Variants in DACH2 observed in about 807,000 individuals in gnomAD.
DACH2 encodes the protein dachshund homolog 2.
Under a neutral mutation model 35.8 loss-of-function variants are expected in DACH2, and 17 were observed. The ratio of observed to expected loss-of-function variants is 0.48; its 90% CI spans 0.33 to 0.71. DACH2 has a LOEUF of 0.71. Among genes scored for constraint, DACH2 ranks in the 30% least tolerant of loss-of-function variants. The pLI, the probability that DACH2 is intolerant of heterozygous loss-of-function variation, is 0.02. For missense variants in DACH2, 469 were observed against 472.7 expected (o/e 0.99, Z 0.07); for synonymous variants, 195 against 177.3 (o/e 1.10, Z -0.79).
At chrX:86,270,539 T>G (rs1205913273) in intron 1 of DACH2, among the ~76,000 whole-genome samples, 2 of 111,438 alleles carry the variant, frequency 1.8e-5, no homozygotes, top group African/African-American at 6.5e-5. Context: ...AAAGATATGG[T>G]TAGATAGAGG....
intron 2 of DACH2, among the ~76,000 whole-genome samples, chrX:86,490,818 C>T (rs1049737193): frequency 9.0e-6 from 1 of 111,073 alleles, no homozygotes; most frequent in Non-Finnish European, 1.9e-5. Context: ...CTCAATTTTC[C>T]ATTTAATATA....
chrX:86,722,233 T>C (rs1233594896), intron 6 of DACH2, among the ~76,000 whole-genome samples: 1 of 112,309 alleles, frequency 8.9e-6, no homozygotes, highest in Non-Finnish European at 1.9e-5. Context: ...TTCATTGAGC[T>C]CTTTTATCAT....
At chrX:86,247,616 CAAT>C (rs1424661423) in intron 1 of DACH2, among the ~76,000 whole-genome samples, 2 of 110,854 alleles carry the variant, frequency 1.8e-5, no homozygotes, top group Non-Finnish European at 3.8e-5. Flanking sequence ...AAAATTGAAT[CAAT>C]AATCTATGTT....
At chrX:86,285,028 TTC>T (rs1234388234) in intron 1 of DACH2, among the ~76,000 whole-genome samples, 8 of 111,972 alleles carry the variant, frequency 7.1e-5, no homozygotes, top group Non-Finnish European at 1.5e-4. Flanking sequence ...TATTTGGATC[TTC>T]TCTCATTTAT....
At chrX:86,413,119 A>G (rs748116459) in intron 2 of DACH2, among the ~76,000 whole-genome samples, 34 of 111,518 alleles carry the variant, frequency 3.0e-4, no homozygotes, top group African/African-American at 1.0e-3. Flanking sequence ...TTTTAGTCAG[A>G]TTTATTTCCC....
intron 4 of DACH2, among the ~76,000 whole-genome samples, chrX:86,681,422 T>C (rs897784377): frequency 9.2e-6 from 1 of 108,812 alleles, no homozygotes; most frequent in Non-Finnish European, 1.9e-5. Context: ...CTACAGAAAA[T>C]AGAAAAAATT....
intron 1 of DACH2, among the ~76,000 whole-genome samples, chrX:86,153,628 T>A (rs1168842941): frequency 8.9e-6 from 1 of 111,778 alleles, no homozygotes; most frequent in Admixed American, 9.5e-5. Flanking sequence ...ATCTGTGTAG[T>A]AAATGCACAT....
intron 4 of DACH2, among the ~76,000 whole-genome samples, chrX:86,692,047 A>G (rs1299165893): frequency 1.1e-4 from 12 of 111,493 alleles, no homozygotes; most frequent in Non-Finnish European, 2.1e-4. Flanking sequence ...ATGATGAGAG[A>G]TTTAGGTCAA....
chrX:86,272,046 A>G (rs1167970274), intron 1 of DACH2, among the ~76,000 whole-genome samples: 1 of 111,583 alleles, frequency 9.0e-6, no homozygotes, highest in Admixed American at 9.6e-5. Context: ...CCATGTTTAC[A>G]CATTATTTAG....
Position 86,730,220 on chromosome X carries a change from G to A in DACH2, c.1105-9527G>A, listed in dbSNP as rs977310828. Among the ~76,000 whole-genome samples the A allele has an allele frequency of 1.4e-4, 16 of 111,083 alleles. 1 individual carries two copies. Among genetic ancestry groups the A allele is most frequent in the Middle Eastern group, 9.3e-3 (2 of 215 alleles). ...TTTGAATAATAGGATTATATGATGC[G>A]TAGAATATATCAAGATAATAAATGA... On this transcript the variant is annotated intron_variant, in intron 6 of 11. Coordinates refer to ENST00000373125, the MANE Select transcript of DACH2 (RefSeq NM_053281.3).
intron 1 of DACH2, among the ~76,000 whole-genome samples, chrX:86,243,420 T>A (rs1015304614): frequency 8.9e-6 from 1 of 112,201 alleles, no homozygotes; most frequent in African/African-American, 3.2e-5. Flanking sequence ...TGCCATAACA[T>A]CATTTTGTAA....
chrX:86,761,450 G>A (rs921610750), intron 7 of DACH2, among the ~76,000 whole-genome samples: 6 of 111,641 alleles, frequency 5.4e-5, no homozygotes, highest in Non-Finnish European at 7.5e-5. Flanking sequence ...TTGTTGATGG[G>A]AGTGCAAATT....
chrX:86,490,664 T>G (rs148612335), intron 2 of DACH2, among the ~76,000 whole-genome samples: 121 of 111,383 alleles, frequency 1.1e-3, no homozygotes, highest in African/African-American at 3.8e-3. Flanking sequence ...CCTATGATGT[T>G]TTTCTGTGGC....
intron 2 of DACH2, among the ~76,000 whole-genome samples, chrX:86,465,200 C>CA (rs1351240183): frequency 4.5e-5 from 5 of 111,633 alleles, no homozygotes; most frequent in Non-Finnish European, 9.4e-5. Flanking sequence ...TCAAAACAAA[C>CA]AAAAAAAGAA....
chrX:86,737,578 C>A (rs887109781), intron 6 of DACH2, among the ~76,000 whole-genome samples: 2 of 111,058 alleles, frequency 1.8e-5, no homozygotes, highest in African/African-American at 6.5e-5. Flanking sequence ...GTTGCTATAA[C>A]AAATTGCCAC....
chrX:86,308,817 G>A (rs2034741230), intron 1 of DACH2, among the ~76,000 whole-genome samples: 2 of 111,592 alleles, frequency 1.8e-5, no homozygotes, highest in Middle Eastern at 9.2e-3. Context: ...AACTCATAAT[G>A]TCAATGTGGT....
chrX:86,527,765 C>T (rs1157935311), intron 3 of DACH2, among the ~76,000 whole-genome samples: 4 of 111,678 alleles, frequency 3.6e-5, no homozygotes, highest in Non-Finnish European at 7.5e-5. Context: ...TTATAGGAAA[C>T]TTTAAAACTG....
At chrX:86,253,212 C>G (rs2033437129) in intron 1 of DACH2, among the ~76,000 whole-genome samples, 1 of 110,698 alleles carries the variant, frequency 9.0e-6, no homozygotes, top group Admixed American at 9.6e-5. Context: ...AGGAATATAC[C>G]TAACCAAGGA....
rs184213801 is a variant in DACH2 at position 86,537,669 on chromosome X, A to T, written c.640+23278A>T. Among the ~76,000 whole-genome samples the T allele has an allele frequency of 4.1e-3, 452 of 111,072 alleles. 5 individuals carry two copies. The highest frequency in any genetic ancestry group is 0.013 in the African/African-American group (398 of 30,591). On this transcript the variant is annotated intron_variant, in intron 3 of 11. Transcript: ENST00000373125. ...AACCTGAATTCTTTGCTTTTTAGTTATTTTTTTTCACCAGATATTCTAGTT... is the reference window on the plus strand; with the variant it reads ...AACCTGAATTCTTTGCTTTTTAGTTTTTTTTTTTCACCAGATATTCTAGTT...
Sources: gnomAD v4.1 joint callset for allele counts (sites outside exome capture counted in the v4.1 genomes callset) on GRCh38, gnomAD v4.1.1 for gene constraint, MANE v1.5 for transcripts, NCBI Gene and HGNC (gene_info 2026-07-23, HGNC 2026-07-21) for gene names.